The following ZNF521 variants were observed in gnomAD, a reference collection of about 807,000 sequenced individuals.
ZNF521 encodes zinc finger protein 521.
In ZNF521, 14 loss-of-function variants were observed where a neutral mutation model predicts 105.5. The ratio of observed to expected loss-of-function variants is 0.13; its 90% CI spans 0.09 to 0.21. The LOEUF is 0.21. ZNF521 is among the 10% of genes least tolerant of loss of function. The pLI is 1.00. For missense variants in ZNF521, 1,233 were observed against 1,629.7 expected (o/e 0.76, Z 4.19); for synonymous variants, 635 against 606.0 (o/e 1.05, Z -0.70).
intron 5 of ZNF521, among the ~76,000 whole-genome samples, chr18:25,168,622 C>T (rs541673866): frequency 6.6e-6 from 1 of 152,264 alleles, no homozygotes; most frequent in East Asian, 1.9e-4. Context: ...ACAATTATCT[C>T]CACAAAAGAG....
chr18:25,149,892 G>C (rs374819554), intron 5 of ZNF521, among the ~76,000 whole-genome samples: 4 of 152,244 alleles, frequency 2.6e-5, no homozygotes, highest in East Asian at 1.9e-4. Context: ...GATATGCTCT[G>C]AGCAGAAAAA....
At chr18:25,074,534 C>T (rs867904176) in intron 7 of ZNF521, among the ~76,000 whole-genome samples, 4 of 152,230 alleles carry the variant, frequency 2.6e-5, no homozygotes, top group South Asian at 4.1e-4. Context: ...AAAATCATCC[C>T]GGTTTATTAG....
At chr18:25,130,066 G>A (rs370222245) in intron 5 of ZNF521, among the ~76,000 whole-genome samples, 1 of 152,120 alleles carries the variant, frequency 6.6e-6, no homozygotes, top group Non-Finnish European at 1.5e-5. Flanking sequence ...AGTTATAACT[G>A]CCCAAACTGG....
intron 5 of ZNF521, among the ~76,000 whole-genome samples, chr18:25,147,975 C>G (rs2034976549): frequency 6.6e-6 from 1 of 152,126 alleles, no homozygotes; most frequent in African/African-American, 2.4e-5. Context: ...ACCCCCATCT[C>G]CATGCAGCTT....
At chr18:25,123,845 G>A (rs1338758837) in intron 5 of ZNF521, among the ~76,000 whole-genome samples, 2 of 152,098 alleles carry the variant, frequency 1.3e-5, no homozygotes, top group Admixed American at 6.6e-5. Context: ...GGATGATAGA[G>A]GATTTTTTAA....
At chr18:25,077,477 T>A (rs561514975) in intron 7 of ZNF521, among the ~76,000 whole-genome samples, 43 of 152,204 alleles carry the variant, frequency 2.8e-4, no homozygotes, top group African/African-American at 1.0e-3. Context: ...ATGGGCCACA[T>A]CCGCGTGCCC....
rs8097562 is a variant in ZNF521, at chr18:25,199,722, T to C, written c.3574-4478A>G. 6.2e-3 allele frequency among the ~76,000 whole-genome samples: 947 copies of C among 152,220 alleles called. 7 individuals are homozygous for C. The highest frequency in any genetic ancestry group is 0.021 in the African/African-American group (892 of 41,568). The stretch of plus-strand genomic sequence containing the variant: ...AGGATAATTCATAACATGTAGTTTT[T>C]AGAAGCTCAACCTAACCTGATTAAC... On this transcript the variant is annotated intron_variant, in intron 4 of 7. Coordinates refer to ENST00000361524, the MANE Select transcript of ZNF521 (RefSeq NM_015461.3).
Position 25,226,175 on chromosome 18 carries a change from G to T in ZNF521, c.1743C>A (p.Ile581=), listed in dbSNP as rs756124198. The T allele has an allele frequency of 8.7e-6, 14 of 1,614,028 alleles. No homozygotes were observed. The highest frequency in any genetic ancestry group is 3.4e-6 in the Non-Finnish European group (4 of 1,180,036). ...AGGGAATGTTTTTATGATTCTCTTT[G>T]ATATGCTTGTTCAGTTTAAGAACGC... ...FNSVLKLNKH[I]KENHKNIPLA... Residue 581 remains isoleucine, a synonymous_variant, in exon 4 of 8, where the codon ATC becomes ATA. Coordinates refer to ENST00000361524, the MANE Select transcript of ZNF521 (RefSeq NM_015461.3). This position sits in a 1 kb window ranked among gnomAD's most constrained non-coding sequence, Gnocchi z 4.1.
At chr18:25,228,407 AG>A (rs1191751208) in intron 3 of ZNF521, among the ~76,000 whole-genome samples, 1 of 152,264 alleles carries the variant, frequency 6.6e-6, no homozygotes, top group African/African-American at 2.4e-5. Context: ...ATTAAATGTT[AG>A]AAGGGTACTG....
intron 3 of ZNF521, among the ~76,000 whole-genome samples, chr18:25,229,683 A>G (rs911603932): frequency 6.6e-6 from 1 of 152,216 alleles, no homozygotes; most frequent in Admixed American, 6.5e-5. Flanking sequence ...GCCATCTATT[A>G]AATGTACTCA....
chr18:25,214,760 T>C (rs2036251449), intron 4 of ZNF521, among the ~76,000 whole-genome samples: 1 of 152,274 alleles, frequency 6.6e-6, no homozygotes, highest in African/African-American at 2.4e-5. Flanking sequence ...TTTATTGAGA[T>C]AAGCTTTATG....
chr18:25,163,126 T>C (rs1279824438), intron 5 of ZNF521, among the ~76,000 whole-genome samples: 2 of 152,186 alleles, frequency 1.3e-5, no homozygotes, highest in Non-Finnish European at 2.9e-5. Flanking sequence ...TTCTAATCAA[T>C]GAACCAAGGT....
chr18:25,258,670 T>C (rs1908686451), intron 3 of ZNF521, among the ~76,000 whole-genome samples: 1 of 152,134 alleles, frequency 6.6e-6, no homozygotes, highest in Admixed American at 6.6e-5. Flanking sequence ...ACCCACCAGC[T>C]TTCCTATCTT....
intron 3 of ZNF521, chr18:25,302,307 C>A (rs1241729284): frequency 6.6e-6 from 1 of 152,170 alleles, no homozygotes; most frequent in African/African-American, 2.4e-5. Flanking sequence ...AGGCAGGTCA[C>A]ACAACAGCCC....
intron 5 of ZNF521, among the ~76,000 whole-genome samples, chr18:25,140,422 G>A (rs776335181): frequency 2.6e-5 from 4 of 152,168 alleles, no homozygotes; most frequent in Non-Finnish European, 2.9e-5. Context: ...GTGCAATGAC[G>A]GCAGGAAATC....
chr18:25,268,039 A>T (rs1909391000), intron 3 of ZNF521, among the ~76,000 whole-genome samples: 1 of 152,218 alleles, frequency 6.6e-6, no homozygotes, highest in African/African-American at 2.4e-5. Flanking sequence ...CACTGAAAAA[A>T]AGTTAGACGA....
Position 25,224,520 on chromosome 18 carries a change from A to G in ZNF521, c.3398T>C (p.Val1133Ala). 1 of 1,613,292 alleles carries G rather than the reference A, an allele frequency of 6.2e-7. No individual in the cohort carries two copies. Among genetic ancestry groups the G allele is most frequent in the Non-Finnish European group, 8.5e-7 (1 of 1,179,794 alleles). ...NLSAIEGKGK[V>A]GGLKTRCSSC... is the part of the protein sequence containing the mutation. ...AGAGCAGCGTGTCTTCAGTCCCCCC[A>G]CCTTGCCTTTCCCCTCAATGGCACT... Residue 1133 changes from valine to alanine, a missense_variant, in exon 4 of 8, where the codon GTG becomes GCG. Transcript: ENST00000361524.
chr18:25,139,906 G>A (rs903150766), intron 5 of ZNF521, among the ~76,000 whole-genome samples: 36 of 152,064 alleles, frequency 2.4e-4, no homozygotes, highest in Non-Finnish European at 4.3e-4. Context: ...AAGAAATCCC[G>A]AATAACTTCC....
chr18:25,181,170 C>T (rs1839635314), intron 5 of ZNF521, among the ~76,000 whole-genome samples: 1 of 152,188 alleles, frequency 6.6e-6, no homozygotes, highest in South Asian at 2.1e-4. Context: ...TCCAACCTTT[C>T]AGCTCATCTA....
Sources: allele counts gnomAD v4.1 joint callset (sites outside exome capture counted in the v4.1 genomes callset), GRCh38; gene constraint gnomAD v4.1.1; non-coding constraint Gnocchi (gnomAD v3.1); transcripts MANE v1.5; gene names NCBI Gene and HGNC (gene_info 2026-07-23, HGNC 2026-07-21).